The following MNX1 variants were observed in gnomAD, a reference collection of about 807,000 sequenced individuals.
The protein encoded by MNX1 is motor neuron and pancreas homeobox 1, also known as motor neuron and pancreas homeobox protein 1.
Under a neutral mutation model 17.3 loss-of-function variants are expected in MNX1, and 2 were observed. That is an observed-to-expected ratio of 0.12 (90% CI 0.05 to 0.36). The LOEUF (loss-of-function observed/expected upper bound fraction) is 0.36. Ranked by LOEUF, MNX1 falls within the 10% of genes least tolerant of loss-of-function variation. MNX1 has a pLI of 1.00. For missense variants in MNX1, 556 were observed against 564.7 expected, an observed-to-expected ratio of 0.98 and a Z score of 0.16; for synonymous variants, 306 against 283.1, an observed-to-expected ratio of 1.08 and a Z score of -0.81.
In MNX1 at chr7:157,006,358, C is replaced by T. The variant is rs1282107897; in HGVS notation, c.852+121G>A. The T allele has an allele frequency of 2.5e-6, 3 of 1,178,598 alleles. No individual in the cohort carries two copies. Among genetic ancestry groups the T allele is most frequent in the African/African-American group, 1.5e-5 (1 of 65,252 alleles). The allele number at this position is 1,178,598 out of a possible 1,614,324, so 73.0% of individuals were successfully genotyped here. On this transcript the variant is annotated intron_variant, in intron 2 of 2. Coordinates refer to ENST00000252971, the MANE Select transcript of MNX1 (RefSeq NM_005515.4). This position sits in a 1 kb window ranked among gnomAD's most constrained non-coding sequence, Gnocchi z 6.3. ...GGGCACCTTAGATGAACCCGTGCGC[C>T]CGCCGTCTGAACCGTCGAGGCGCAG...
Position 157,006,787 on chromosome 7 carries a change from A to C in MNX1, c.692-148T>G, listed in dbSNP as rs1586592809. 7 of 751,374 alleles carry C rather than the reference A, an allele frequency of 9.3e-6. No individual in the cohort carries two copies. The highest frequency in any genetic ancestry group is 2.1e-5 in the South Asian group (1 of 46,646). The allele number at this position is 751,374 out of a possible 1,614,324, so 46.5% of individuals were successfully genotyped here. A position where few individuals can be genotyped will look rare whatever the true frequency, so the allele number is the denominator to read the frequency against. The stretch of plus-strand genomic sequence containing the variant: ...GGCTGTTCCCTCACTATCAGTGCCC[A>C]CTCCCCAAGGAATGCGGACTCAGGA... On this transcript the variant is annotated intron_variant, in intron 1 of 2. Coordinates refer to ENST00000252971, the MANE Select transcript of MNX1 (RefSeq NM_005515.4). The surrounding 1 kb of genome is among the most constrained non-coding windows in gnomAD (Gnocchi z 6.3).
In MNX1 at chr7:157,005,263, G is replaced by T; in HGVS notation, c.*257C>A. On this transcript the variant is annotated 3_prime_UTR_variant, in exon 3 of 3. Coordinates refer to ENST00000252971, the MANE Select transcript of MNX1 (RefSeq NM_005515.4). ...CAAAATTAATTTTAAAAGAACCAGA[G>T]TTCAAGTTTCAGCCCCCTGGGTCTC... 3.7e-6 allele frequency: 1 copy of T among 266,718 alleles called. No individual in the cohort carries two copies. The highest frequency in any genetic ancestry group is 7.1e-6 in the Non-Finnish European group (1 of 141,446). 16.5% of individuals were successfully genotyped at this position (266,718 alleles called of 1,614,324 possible).
intron 1 of MNX1, chr7:157,009,083 C>A (rs1478693930): frequency 6.5e-7 from 1 of 1,536,560 alleles, no homozygotes; most frequent in African/African-American, 1.4e-5. Flanking sequence ...CCTGCCTCGG[C>A]CATCGCACCC....
chr7:157,005,509 C>A lies in MNX1; in HGVS notation c.*11G>T. Reference sequence around the variant, plus strand: ...CTCCGTGCGCGCCGCACCTGCTGGGCCGCGGGGCTCCTACTGGGGCGCGGG... The same window carrying A: ...CTCCGTGCGCGCCGCACCTGCTGGGACGCGGGGCTCCTACTGGGGCGCGGG... On this transcript the variant is annotated 3_prime_UTR_variant, in exon 3 of 3. Transcript: ENST00000252971. 7.0e-7 allele frequency: 1 copy of A among 1,434,098 alleles called. No individual in the cohort carries two copies. 88.8% of individuals were successfully genotyped at this position (1,434,098 alleles called of 1,614,324 possible). A position where few individuals can be genotyped will look rare whatever the true frequency, so the allele number is the denominator to read the frequency against.
chr7:157,008,932 C>T (rs1340276371), intron 1 of MNX1: 31 of 1,502,366 alleles, frequency 2.1e-5, no homozygotes, highest in African/African-American at 4.1e-5. Context: ...CTGCCCGAAG[C>T]CCAGCGGCTC....
In MNX1 at chr7:157,006,434, T is replaced by C; in HGVS notation, c.852+45A>G. The C allele has an allele frequency of 6.3e-7, 1 of 1,588,956 alleles. No homozygotes were observed. Among genetic ancestry groups the C allele is most frequent in the Non-Finnish European group, 8.5e-7 (1 of 1,170,210 alleles). On this transcript the variant is annotated intron_variant, in intron 2 of 2. Transcript: ENST00000252971. The surrounding 1 kb of genome is among the most constrained non-coding windows in gnomAD (Gnocchi z 6.3). Reference sequence around the variant, plus strand: ...GGTCACAAGTGCAAAGGTAACAGTGTCCCCTGGGAGGCCGGGATGCGTCGG... The same window carrying C: ...GGTCACAAGTGCAAAGGTAACAGTGCCCCCTGGGAGGCCGGGATGCGTCGG...
rs1221929713 is a variant in MNX1 at position 157,004,998 on chromosome 7, G to T, written c.*522C>A. ...AGACAGTACAGTTTTGAGATTTCCA[G>T]CAGTTTGAACGCTCGTGACATAATC... On this transcript the variant is annotated 3_prime_UTR_variant, in exon 3 of 3. Transcript: ENST00000252971. The surrounding 1 kb of genome is among the most constrained non-coding windows in gnomAD (Gnocchi z 6.2). The T allele has an allele frequency of 9.0e-6, 2 of 221,666 alleles. No individual in the cohort carries two copies. The highest frequency in any genetic ancestry group is 1.8e-5 in the Non-Finnish European group (2 of 110,820). The allele number at this position is 221,666 out of a possible 1,614,324, so 13.7% of individuals were successfully genotyped here. A position where few individuals can be genotyped will look rare whatever the true frequency, so the allele number is the denominator to read the frequency against.
chr7:157,009,248 A>G, intron 1 of MNX1: 2 of 1,428,548 alleles, frequency 1.4e-6, no homozygotes, highest in Non-Finnish European at 1.8e-6. Flanking sequence ...GGGTCTCTCT[A>G]ACGCCCCAGT....
chr7:157,008,800 G>T, intron 1 of MNX1: 1 of 606,388 alleles, frequency 1.6e-6, no homozygotes, highest in South Asian at 2.1e-5. Flanking sequence ...GGGGCGAGCG[G>T]GGAGAGCCAG....
chr7:157,005,458 T>G lies in MNX1; in HGVS notation c.*62A>C. The G allele has an allele frequency of 1.7e-6, 2 of 1,184,082 alleles. No homozygotes were observed. Among genetic ancestry groups the G allele is most frequent in the Non-Finnish European group, 2.1e-6 (2 of 949,974 alleles). The allele number at this position is 1,184,082 out of a possible 1,614,324, so 73.3% of individuals were successfully genotyped here. A position where few individuals can be genotyped will look rare whatever the true frequency, so the allele number is the denominator to read the frequency against. ...CCGGGTGGGTGCGGGCGCCGGGGCC[T>G]CCGGGAGAAGCCGCCGGCCGGGGCG... On this transcript the variant is annotated 3_prime_UTR_variant, in exon 3 of 3. Transcript: ENST00000252971.
rs1286944086 is a variant in MNX1 at position 157,009,786 on chromosome 7, C to A, written c.565G>T (p.Val189Leu). The change falls in exon 1 of 3, where the codon GTG becomes TTG. Residue 189 changes from valine (V) to leucine (L), a missense_variant. By Grantham distance (32) the Val-to-Leu change is conservative (BLOSUM62 1). This residue lies in a region of MNX1 where 210 missense variants were observed against 211.3 expected (regional missense o/e 0.99). Coordinates refer to ENST00000252971, the MANE Select transcript of MNX1 (RefSeq NM_005515.4). ...HPALSYSYPQ[V>L]QGAHPAHPAD... is the part of the protein sequence containing the mutation. ...GGGTGCGCGGGGTGCGCGCCTTGCA[C>A]CTGCGGGTACGAGTAGGAGAGCGCC... The A allele has an allele frequency of 6.3e-7, 1 of 1,581,112 alleles. No homozygotes were observed. Among genetic ancestry groups the A allele is most frequent in the Non-Finnish European group, 8.6e-7 (1 of 1,169,114 alleles).
rs1005526280 is a variant in MNX1 at position 157,009,676 on chromosome 7, C to G, written c.675G>C (p.Lys225Asn). The G allele has an allele frequency of 3.1e-6, 5 of 1,609,184 alleles. No homozygotes were observed. The change falls in exon 1 of 3, where the codon AAG (lysine) becomes AAC (asparagine). Residue 225 changes from lysine to asparagine, a missense_variant. Transcript: ENST00000252971. ...RASTAGMILP[K>N]MPDFNSQAQS... ...GGTACTCACAGTTGAAGTCGGGCAT[C>G]TTAGGCAGGATCATGCCCGCGGTGG...
At chr7:157,008,250 C>A (rs1456450210) in intron 1 of MNX1, 3 of 152,302 alleles carry the variant, frequency 2.0e-5, no homozygotes, top group African/African-American at 7.2e-5. Context: ...CCGTGGGCAA[C>A]TTAGCGTCCT....
At position 157,006,853 on chromosome 7, in the gene MNX1, A is replaced by ATTTT. The variant is rs373662349; in HGVS notation, c.692-218_692-215dup. 51 of 273,764 alleles carry ATTTT rather than the reference A, an allele frequency of 1.9e-4. No homozygotes were observed. Among genetic ancestry groups the ATTTT allele is most frequent in the East Asian group, 6.5e-4 (10 of 15,398 alleles). 17.0% of individuals were successfully genotyped at this position (273,764 alleles called of 1,614,324 possible). ...GGATAGTTTGGAGTTAATGAGACCA[A>ATTTT]TTTTTTTTTTTTTTTTTGTCTAGGA... On this transcript the variant is annotated intron_variant, in intron 1 of 2. Coordinates refer to ENST00000252971, the MANE Select transcript of MNX1 (RefSeq NM_005515.4). This position sits in a 1 kb window ranked among gnomAD's most constrained non-coding sequence, Gnocchi z 6.3.
In MNX1 at chr7:157,009,908, C is replaced by A. The variant is rs1196245804; in HGVS notation, c.443G>T (p.Gly148Val). ...CGCCTGCGCCGGGAGGCCCGCGCCG[C>A]CCTGCGCGCCCCCAGGGTGCAGCCC... is the stretch of plus-strand genomic sequence containing the variant. Reference protein sequence around the residue: ...ALGLHPGGAQGGAGLPAQAAL... With the variant: ...ALGLHPGGAQVGAGLPAQAAL... Residue 148 changes from glycine (G) to valine (V), a missense_variant, in exon 1 of 3, where the codon GGC becomes GTC. Physicochemically the swap from Gly to Val is moderately radical, Grantham distance 109. Coordinates refer to ENST00000252971, the MANE Select transcript of MNX1 (RefSeq NM_005515.4). 1 of 1,307,666 alleles carries A rather than the reference C, an allele frequency of 7.6e-7. No individual in the cohort carries two copies. Among genetic ancestry groups the A allele is most frequent in the Non-Finnish European group, 9.7e-7 (1 of 1,029,364 alleles). 81.0% of individuals were successfully genotyped at this position (1,307,666 alleles called of 1,614,324 possible).
chr7:157,006,228 A>G lies in MNX1; in HGVS notation c.852+251T>C. 1 of 586,074 alleles carries G rather than the reference A, an allele frequency of 1.7e-6. No individual in the cohort carries two copies. Among genetic ancestry groups the G allele is most frequent in the Non-Finnish European group, 3.0e-6 (1 of 331,632 alleles). 36.3% of individuals were successfully genotyped at this position (586,074 alleles called of 1,614,324 possible). ...ATGTTCCCTCCTCTCTTTCTGGAAC[A>G]AAATTTCTCGAATGCGGCCTGGGGA... On this transcript the variant is annotated intron_variant, in intron 2 of 2. Coordinates refer to ENST00000252971, the MANE Select transcript of MNX1 (RefSeq NM_005515.4). This position sits in a 1 kb window ranked among gnomAD's most constrained non-coding sequence, Gnocchi z 6.3.
rs1315345295 is a variant in MNX1, at chr7:157,010,541, C to CCCCG, written c.-195_-192dup. 3 of 395,648 alleles carry CCCCG rather than the reference C, an allele frequency of 7.6e-6. No homozygotes were observed. The highest frequency in any genetic ancestry group is 1.4e-5 in the Non-Finnish European group (3 of 220,386). The allele number at this position is 395,648 out of a possible 1,614,324, so 24.5% of individuals were successfully genotyped here. On this transcript the variant is annotated 5_prime_UTR_variant, in exon 1 of 3. Transcript: ENST00000252971. Reference sequence around the variant, plus strand: ...GGTCCCGGCGCCTCCTCCGTGCGGGCCCCGCCCCGGGCCGCGCTCGCACAA... The same window carrying CCCCG: ...GGTCCCGGCGCCTCCTCCGTGCGGGCCCCGCCCGCCCCGGGCCGCGCTCGCACAA...
rs549541951 is a variant in MNX1 at position 157,006,405 on chromosome 7, C to A, written c.852+74G>T. ...GCAGCGCTAGATGCCTCAGACCGCC[C>A]GTGGGTCACAAGTGCAAAGGTAACA... is the stretch of plus-strand genomic sequence containing the variant. On this transcript the variant is annotated intron_variant, in intron 2 of 2. Transcript: ENST00000252971. This position sits in a 1 kb window ranked among gnomAD's most constrained non-coding sequence, Gnocchi z 6.3. 1.6e-5 allele frequency: 24 copies of A among 1,516,298 alleles called. No individual in the cohort carries two copies. The highest frequency in any genetic ancestry group is 2.3e-5 in the East Asian group (1 of 42,750). 93.9% of individuals were successfully genotyped at this position (1,516,298 alleles called of 1,614,324 possible).
chr7:157,005,750 C>A lies in MNX1; in HGVS notation c.976G>T (p.Glu326Ter). ...AGCAGCTCCTCGGCTCCCGGCTCCT[C>A]CGCGCCGCCCTTCCCCGCGCCCCCG... ...GGGGAGKGGA[E>*]EPGAEELLGP... The change falls in exon 3 of 3, where the codon GAG (glutamate) becomes TAG (stop). Residue 326 changes from glutamate (E) to a stop codon, truncating the protein, a stop_gained. Transcript: ENST00000252971. LOFTEE classifies it low-confidence loss of function (END_TRUNC). 2 of 1,609,310 alleles carry A rather than the reference C, an allele frequency of 1.2e-6. No homozygotes were observed. The highest frequency in any genetic ancestry group is 8.5e-7 in the Non-Finnish European group (1 of 1,179,334).
Sources: allele counts gnomAD v4.1 joint callset, GRCh38; gene constraint gnomAD v4.1.1; regional missense constraint gnomAD v4.1.1; non-coding constraint Gnocchi (gnomAD v3.1); transcripts MANE v1.5; gene names NCBI Gene and HGNC (gene_info 2026-07-23, HGNC 2026-07-21).